The following TTN variants were observed in gnomAD, a reference collection of about 807,000 sequenced individuals.
TTN encodes the protein titin, also known as connectin.
TTN carries 1,525 observed loss-of-function variants against 3,223.0 expected under a neutral mutation model. The observed-to-expected ratio is 0.47, with a 90% CI of 0.45 to 0.49. The LOEUF (loss-of-function observed/expected upper bound fraction) is 0.49. Among genes scored for constraint, TTN ranks in the 20% least tolerant of loss-of-function variants. The probability of loss-of-function intolerance (pLI) is 0.00; values close to 1 mark genes in which losing one functional copy is unlikely to be tolerated. For synonymous variants in TTN, 14,094 were observed against 15,161.0 expected (o/e 0.93, Z 5.17); for missense variants, 40,786 against 43,424.0 (o/e 0.94, Z 5.40).
chr2:178,770,169 T>G lies in TTN; in HGVS notation c.8532A>C (p.Ser2844=), dbSNP rs957431303. The change falls in exon 36 of 363, where the codon TCA becomes TCC. Residue 2844 remains serine, a synonymous_variant. Transcript: ENST00000589042. The stretch of plus-strand genomic sequence containing the variant: ...GCATCAGCTTGTGGACTTTCCTTTC[T>G]GAGACCAGTCTGTGTTTGTCACTTG... The part of the protein sequence containing the change: ...IKPSDKHRLV[S]ERKVHKLMLQ... 1.2e-6 allele frequency: 2 copies of G among 1,614,042 alleles called. No individual in the cohort carries two copies. Among genetic ancestry groups the G allele is most frequent in the Admixed American group, 1.7e-5 (1 of 60,002 alleles).
At chr2:178,666,164 G>T (rs1040137679) in intron 163 of TTN, among the ~76,000 whole-genome samples, 4 of 152,086 alleles carry the variant, frequency 2.6e-5, no homozygotes, top group African/African-American at 7.2e-5. Flanking sequence ...CCTTAAAAAG[G>T]TGAGTGTTTT....
Position 178,579,299 on chromosome 2 carries a change from C to T in TTN, c.67731G>A (p.Lys22577=), listed in dbSNP as rs1459363772. 3 of 1,612,356 alleles carry T rather than the reference C, an allele frequency of 1.9e-6. No individual in the cohort carries two copies. The East Asian group carries it at 6.7e-5, about 36-fold the overall frequency. ...NFRLKIPIKG[K]PAPSVSWKKG... is the part of the protein sequence containing the mutation. ...TCTTCCAGGAGACTGATGGAGCTGG[C>T]TTGCCTTTTATGGGGATCTTAAGCC... is the stretch of plus-strand genomic sequence containing the variant. The change falls in exon 320 of 363, where the codon AAG becomes AAA. Residue 22577 remains lysine, a synonymous_variant. Coordinates refer to ENST00000589042, the MANE Select transcript of TTN (RefSeq NM_001267550.2).
chr2:178,649,860 C>T lies in TTN; in HGVS notation c.39852G>A (p.Lys13284=). Residue 13284 remains lysine (K), a synonymous_variant, in exon 211 of 363, where the codon AAG becomes AAA. Coordinates refer to ENST00000589042, the MANE Select transcript of TTN (RefSeq NM_001267550.2). ...CTGGTTTTTTGATGACAGGAACTTT[C>T]TTCTCTGGGATGATCTTCTTGGGCT... is the stretch of plus-strand genomic sequence containing the variant. ...PEEPKKIIPE[K]KVPVIKKPEA... is the part of the protein sequence containing the mutation. The T allele has an allele frequency of 6.2e-7, 1 of 1,612,666 alleles. No homozygotes were observed.
At chr2:178,785,597 T>C in intron 15 of TTN, 23 bp downstream of exon 15, 2 of 1,613,784 alleles carry the variant, frequency 1.2e-6, no homozygotes, top group East Asian at 4.5e-5. Flanking sequence ...AACATTTCTG[T>C]ATCATGCTCT....
At position 178,694,623 on chromosome 2, in the gene TTN, G is replaced by T. The variant is rs1005082526; in HGVS notation, c.31402C>A (p.Gln10468Lys). The change falls in exon 117 of 363, where the codon CAG (glutamine) becomes AAG (lysine). Residue 10468 changes from glutamine to lysine, a missense_variant. Coordinates refer to ENST00000589042, the MANE Select transcript of TTN (RefSeq NM_001267550.2). ...CCTTTCACTTCAATAACTTCTTCCT[G>T]TACTGGAGTCCGGGAAGGTTTTTGT... The part of the protein sequence containing the change: ...VPQKPSRTPV[Q>K]EEVIEVKVPA... The T allele has an allele frequency of 6.4e-7, 1 of 1,559,742 alleles. No homozygotes were observed. Among genetic ancestry groups the T allele is most frequent in the Non-Finnish European group, 8.7e-7 (1 of 1,150,448 alleles).
chr2:178,691,182 CTA>C (rs1409939695), intron 121 of TTN, among the ~76,000 whole-genome samples: 1 of 152,112 alleles, frequency 6.6e-6, no homozygotes, highest in Non-Finnish European at 1.5e-5. Flanking sequence ...CAAGGGAACA[CTA>C]TTCAAAATGT....
At chr2:178,689,442 A>G in intron 123 of TTN, 69 bp from the exon 124 acceptor site, 1 of 1,603,902 alleles carries the variant, frequency 6.2e-7, no homozygotes, top group South Asian at 1.1e-5. Context: ...TAGAAGTGGC[A>G]ATTAAAGAAG....
intron 43 of TTN, 114 bp downstream of exon 43, chr2:178,764,063 A>G (rs2089892396): frequency 6.8e-7 from 1 of 1,469,818 alleles, no homozygotes; most frequent in South Asian, 1.1e-5. Context: ...GATTTCCATT[A>G]AGCTTCAAAT....
chr2:178,558,057 G>T lies in TTN; in HGVS notation c.87297C>A (p.Asn29099Lys), dbSNP rs528257030. 1 of 1,613,930 alleles carries T rather than the reference G, an allele frequency of 6.2e-7. No individual in the cohort carries two copies. The highest frequency in any genetic ancestry group is 1.3e-5 in the African/African-American group (1 of 75,052). The change falls in exon 328 of 363, where the codon AAC (asparagine) becomes AAA (lysine). Residue 29099 changes from asparagine to lysine, a missense_variant. Physicochemically the swap from Asn to Lys is moderately conservative, Grantham distance 94. Transcript: ENST00000589042. ...CACTTTCTTTGAGATTGATGGTCAG[G>T]TTCTCAGCAGTAATTTCGGTATTAA... Reference protein sequence around the residue: ...MRFNTEITAENLTINLKESVT... With the variant: ...MRFNTEITAEKLTINLKESVT...
chr2:178,569,169 A>G lies in TTN; in HGVS notation c.76963T>C (p.Cys25655Arg), dbSNP rs752535050. Reference protein sequence around the residue: ...RKSYAAVVTNCHKNSWKIDQL... With the variant: ...RKSYAAVVTNRHKNSWKIDQL... Reference sequence around the variant, plus strand: ...TCGATTTTCCAAGAATTCTTATGGCAGTTAGTTACAACAGCAGCATATGAT... The same window carrying G: ...TCGATTTTCCAAGAATTCTTATGGCGGTTAGTTACAACAGCAGCATATGAT... The change falls in exon 326 of 363, where the codon TGC becomes CGC. Residue 25655 changes from cysteine to arginine, a missense_variant. Physicochemically the swap from Cys to Arg is radical, Grantham distance 180. Transcript: ENST00000589042. 7.4e-6 allele frequency: 12 copies of G among 1,613,184 alleles called. No homozygotes were observed. The South Asian group carries it at 1.3e-4, about 18-fold the overall frequency.
chr2:178,707,902 C>T (rs2076115055), intron 99 of TTN, 89 bp from the exon 100 acceptor site: 4 of 1,394,276 alleles, frequency 2.9e-6, no homozygotes, highest in South Asian at 1.5e-5. Flanking sequence ...AAAAACTGGC[C>T]TCTAACAGGT....
Position 178,549,989 on chromosome 2 carries a change from G to A in TTN, c.91849C>T (p.Gln30617Ter). ...SAKAEIKVKV[Q>*]DTPGKVVGPI... ...TAAGAAGCTATTTTAAAAGTACCTT[G>A]TACTTTCACTTTAATTTCTGCTTTT... Residue 30617 changes from glutamine to a stop codon, truncating the protein, a stop_gained, in exon 337 of 363, where the codon CAA becomes TAA. Transcript: ENST00000589042. LOFTEE classifies it high-confidence loss of function. The A allele has an allele frequency of 1.2e-6, 2 of 1,606,938 alleles. No homozygotes were observed. Among genetic ancestry groups the A allele is most frequent in the East Asian group, 2.2e-5 (1 of 44,726 alleles).
In TTN at chr2:178,547,514, G is replaced by A. The variant is rs767255232; in HGVS notation, c.94112C>T (p.Thr31371Ile). Residue 31371 changes from threonine (T) to isoleucine (I), a missense_variant, in exon 339 of 363, where the codon ACT becomes ATT. Coordinates refer to ENST00000589042, the MANE Select transcript of TTN (RefSeq NM_001267550.2). ...ATATTCCATGTATTTTGTGAGATGA[G>A]TGACTTTAATTTGAGTGCGCTTGAC... is the stretch of plus-strand genomic sequence containing the variant. ...SSVKRTQIKVTHLTKYMEYSF... is the reference protein window; with the variant it reads ...SSVKRTQIKVIHLTKYMEYSF... 5.0e-6 allele frequency: 8 copies of A among 1,613,636 alleles called. No homozygotes were observed. The highest frequency in any genetic ancestry group is 6.8e-6 in the Non-Finnish European group (8 of 1,179,742).
Position 178,776,697 on chromosome 2 carries a change from C to A in TTN, c.5167G>T (p.Glu1723Ter). The change falls in exon 28 of 363, where the codon GAA becomes TAA. Residue 1723 changes from glutamate (E) to a stop codon, truncating the protein, a stop_gained. Coordinates refer to ENST00000589042, the MANE Select transcript of TTN (RefSeq NM_001267550.2). LOFTEE classifies it high-confidence loss of function. Reference protein sequence around the residue: ...RLKRFGPAHFECRLTPIGDPT... With the variant: ...RLKRFGPAHF ...TCACCAATGGGTGTTAGCCTGCATT[C>A]AAAGTGGGCAGGCCCAAAGCGCTTA... 1 of 1,614,116 alleles carries A rather than the reference C, an allele frequency of 6.2e-7. No individual in the cohort carries two copies. The highest frequency in any genetic ancestry group is 1.1e-5 in the South Asian group (1 of 91,076).
chr2:178,753,310 C>A, intron 46 of TTN, 130 bp from the exon 47 acceptor site: 1 of 675,932 alleles, frequency 1.5e-6, no homozygotes, highest in Non-Finnish European at 2.5e-6. Context: ...CCAAATTTAC[C>A]AAAAAGTCCA....
intron 151 of TTN, 39 bp from the exon 152 acceptor site, chr2:178,673,749 G>A (rs2067454470): frequency 6.8e-7 from 1 of 1,476,876 alleles, no homozygotes; most frequent in East Asian, 2.3e-5. Context: ...AAAGTGGCAT[G>A]TGATGAGCAG....
intron 146 of TTN, 150 bp downstream of exon 146, chr2:178,677,468 TAAG>T: frequency 1.2e-6 from 1 of 801,542 alleles, no homozygotes; most frequent in Non-Finnish European, 1.8e-6. Flanking sequence ...AGATACACAA[TAAG>T]AACACACATG....
chr2:178,692,414 G>T, intron 120 of TTN, 83 bp downstream of exon 120: 2 of 1,207,626 alleles, frequency 1.7e-6, no homozygotes, highest in Non-Finnish European at 1.2e-6. Flanking sequence ...GTTTACAGAT[G>T]CTATTTTGTT....
Position 178,536,104 on chromosome 2 carries a change from A to C in TTN, c.100643T>G (p.Phe33548Cys). ...GATGAGCTGGTGGTAGCCACCCTTAAATTCTTGAATCCTATATTTTAATCC... is the reference window on the plus strand; with the variant it reads ...GATGAGCTGGTGGTAGCCACCCTTACATTCTTGAATCCTATATTTTAATCC... The part of the protein sequence containing the change: ...ADGLKYRIQE[F>C]KGGYHQLIIA... Residue 33548 changes from phenylalanine to cysteine, a missense_variant, in exon 357 of 363, where the codon TTT (phenylalanine) becomes TGT (cysteine). Coordinates refer to ENST00000589042, the MANE Select transcript of TTN (RefSeq NM_001267550.2). The C allele has an allele frequency of 6.2e-7, 1 of 1,612,412 alleles. No individual in the cohort carries two copies. Among genetic ancestry groups the C allele is most frequent in the Non-Finnish European group, 8.5e-7 (1 of 1,178,736 alleles).
Sources: allele counts gnomAD v4.1 joint callset (sites outside exome capture counted in the v4.1 genomes callset), GRCh38; gene constraint gnomAD v4.1.1; transcripts MANE v1.5; gene names NCBI Gene and HGNC (gene_info 2026-07-23, HGNC 2026-07-21).